Variants in ARMC6 observed in about 807,000 individuals in gnomAD.
ARMC6 encodes armadillo repeat containing 6.
In ARMC6, 43 loss-of-function variants were observed where a neutral mutation model predicts 49.2. The ratio of observed to expected loss-of-function variants is 0.87; its 90% confidence interval spans 0.69 to 1.13. ARMC6 has a LOEUF of 1.13. ARMC6 is among the 50% of genes most tolerant of loss of function. ARMC6 has a pLI of 0.00. For synonymous variants in ARMC6, 262 were observed against 289.6 expected (o/e 0.90, Z 0.97); for missense variants, 627 against 682.0 (o/e 0.92, Z 0.90).
chr19:19,034,030 G>A (rs1053252270), intron 1 of ARMC6, 100 bp downstream of exon 1: 262 of 521,950 alleles, frequency 5.0e-4, no homozygotes, highest in South Asian at 6.5e-4. Flanking sequence ...GGTTTGGGGG[G>A]AAAAAAAAAA....
At chr19:19,034,030 G>GAAAA (rs3214142) in intron 1 of ARMC6, 100 bp downstream of exon 1, 24 of 523,042 alleles carry the variant, frequency 4.6e-5, no homozygotes, top group African/African-American at 4.5e-4. Flanking sequence ...GGTTTGGGGG[G>GAAAA]AAAAAAAAAA....
intron 3 of ARMC6, 83 bp from the exon 4 acceptor site, chr19:19,043,909 G>A: frequency 7.7e-7 from 1 of 1,301,972 alleles, no homozygotes; most frequent in Non-Finnish European, 1.1e-6. Context: ...GGGTCCTGAG[G>A]TGTGATTCCA....
chr19:19,040,737 C>T (rs766325215), intron 2 of ARMC6: 4 of 446,168 alleles, frequency 9.0e-6, no homozygotes, highest in Non-Finnish European at 1.8e-5. Context: ...CAACCTCCGC[C>T]TCTGTGCTCA....
At chr19:19,039,613 G>A (rs752468867) in intron 2 of ARMC6, among the ~76,000 whole-genome samples, 8 of 152,166 alleles carry the variant, frequency 5.3e-5, no homozygotes, top group African/African-American at 7.2e-5. Flanking sequence ...TGCCTGTTCT[G>A]GATATTTCAT....
rs749703669 is a variant in ARMC6 at position 19,055,747 on chromosome 19, G to T, written c.1156-44G>T. ...TGGCCATGGCAGGATGTTGTGGGGG[G>T]TCTATCTGCTGCATCTCAGCCTTTC... On this transcript the variant is annotated intron_variant, in intron 7 of 8. Coordinates refer to ENST00000535612, the MANE Select transcript of ARMC6 (RefSeq NM_001199196.2). The surrounding 1 kb of genome is among the most constrained non-coding windows in gnomAD (Gnocchi z 5.7). The T allele has an allele frequency of 6.5e-6, 10 of 1,528,870 alleles. No individual in the cohort carries two copies. In the South Asian group the frequency reaches 1.0e-4, roughly 15 times the overall value. The allele number at this position is 1,528,870 out of a possible 1,614,324, so 94.7% of individuals were successfully genotyped here.
At chr19:19,054,559 G>A (rs559880504) in intron 6 of ARMC6, among the ~76,000 whole-genome samples, 1 of 152,106 alleles carries the variant, frequency 6.6e-6, no homozygotes, top group Non-Finnish European at 1.5e-5. Context: ...GGGGTGTGTC[G>A]GCCAAGGCTG....
intron 4 of ARMC6, among the ~76,000 whole-genome samples, chr19:19,049,644 T>G (rs904450891): frequency 2.0e-5 from 3 of 152,228 alleles, no homozygotes; most frequent in African/African-American, 7.2e-5. Flanking sequence ...TGAAACAAAC[T>G]CCATGTTCCT....
intron 4 of ARMC6, among the ~76,000 whole-genome samples, chr19:19,046,135 T>C (rs2059448452): frequency 6.6e-6 from 1 of 152,152 alleles, no homozygotes; most frequent in Non-Finnish European, 1.5e-5. Flanking sequence ...CTACCAGCAG[T>C]ACAGGAAACT....
intron 2 of ARMC6, among the ~76,000 whole-genome samples, chr19:19,040,289 G>A (rs2059401311): frequency 6.6e-6 from 1 of 152,098 alleles, no homozygotes; most frequent in African/African-American, 2.4e-5. Context: ...TACACCTGAT[G>A]GTTTTGGATC....
intron 6 of ARMC6, among the ~76,000 whole-genome samples, chr19:19,054,961 C>G (rs926565053): frequency 6.6e-6 from 1 of 152,220 alleles, no homozygotes; most frequent in Non-Finnish European, 1.5e-5. Flanking sequence ...GTCCTCAGTG[C>G]AGGGCAGTTA....
chr19:19,039,376 G>T (rs1368193405), intron 2 of ARMC6: 1 of 450,862 alleles, frequency 2.2e-6, no homozygotes, highest in African/African-American at 2.0e-5. Flanking sequence ...ACTTGAAACA[G>T]TCCTCCCACC....
Sources: allele counts gnomAD v4.1 joint callset (sites outside exome capture counted in the v4.1 genomes callset), GRCh38; gene constraint gnomAD v4.1.1; non-coding constraint Gnocchi (gnomAD v3.1); transcripts MANE v1.5; gene names NCBI Gene and HGNC (gene_info 2026-07-23, HGNC 2026-07-21).